GRIK1: variants seen among roughly 807,000 people sequenced by gnomAD.
The protein encoded by GRIK1 is glutamate ionotropic receptor kainate type subunit 1.
Under a neutral mutation model 105.7 loss-of-function variants are expected in GRIK1, and 69 were observed. The ratio of observed to expected loss-of-function variants is 0.65; its 90% CI spans 0.54 to 0.80. The LOEUF is 0.80. Among genes scored for constraint, GRIK1 ranks in the 30% least tolerant of loss-of-function variants. The probability of loss-of-function intolerance (pLI) is 0.00; values close to 1 mark genes in which losing one functional copy is unlikely to be tolerated. For missense variants in GRIK1, 1,109 were observed against 1,167.3 expected (o/e 0.95, Z 0.73); for synonymous variants, 438 against 431.3 (o/e 1.02, Z -0.19).
At chr21:29,591,305 G>A in intron 9 of GRIK1, 80 bp from the exon 10 acceptor site, 1 of 844,060 alleles carries the variant, frequency 1.2e-6, no homozygotes, top group Non-Finnish European at 2.1e-6. Context: ...TCTCTACCAG[G>A]AATGGGCACA....
chr21:29,889,519 T>C (rs977168965), intron 1 of GRIK1, among the ~76,000 whole-genome samples: 3 of 151,990 alleles, frequency 2.0e-5, no homozygotes, highest in Non-Finnish European at 4.4e-5. Context: ...CTCCTCCACC[T>C]CTTGTTCTTC....
At chr21:29,733,697 T>G (rs968627191) in intron 1 of GRIK1, among the ~76,000 whole-genome samples, 2 of 152,150 alleles carry the variant, frequency 1.3e-5, no homozygotes, top group Non-Finnish European at 2.9e-5. Flanking sequence ...TGTTTCATTT[T>G]GAGGAAAAGG....
chr21:29,615,433 C>G (rs2061827942), intron 7 of GRIK1, among the ~76,000 whole-genome samples: 1 of 152,144 alleles, frequency 6.6e-6, no homozygotes, highest in Non-Finnish European at 1.5e-5. Context: ...CCTCAGCCTC[C>G]CAAGTAGCTG....
chr21:29,719,083 T>TAC (rs941162439), intron 1 of GRIK1, among the ~76,000 whole-genome samples: 11 of 129,374 alleles, frequency 8.5e-5, no homozygotes, highest in African/African-American at 2.5e-4. Context: ...TGTATATACA[T>TAC]ATATATATAT....
At chr21:29,705,806 C>G (rs980113454) in intron 1 of GRIK1, among the ~76,000 whole-genome samples, 1 of 151,928 alleles carries the variant, frequency 6.6e-6, no homozygotes, top group Non-Finnish European at 1.5e-5. Context: ...AGGTAAGGTG[C>G]ATGTCCATGA....
At position 29,697,577 on chromosome 21, in the gene GRIK1, GAA is replaced by G. The variant is rs998187956; in HGVS notation, c.119-3516_119-3515del. Among the ~76,000 whole-genome samples the G allele has an allele frequency of 7.2e-4, 109 of 152,088 alleles. 1 individual carries two copies. The highest frequency in any genetic ancestry group is 4.4e-3 in the Admixed American group (67 of 15,270). On this transcript the variant is annotated intron_variant, in intron 1 of 17. Transcript: ENST00000327783. The stretch of plus-strand genomic sequence containing the variant: ...TCAAGAGAGGGTTGCGGATAAATGC[GAA>G]AAATCTACTGTGGTATGAGGTAAAT...
At chr21:29,739,092 T>C (rs2064865116) in intron 1 of GRIK1, among the ~76,000 whole-genome samples, 1 of 152,178 alleles carries the variant, frequency 6.6e-6, no homozygotes, top group Admixed American at 6.5e-5. Flanking sequence ...TCATGAAAAT[T>C]ATAGTACATT....
chr21:29,854,371 G>T (rs1014504605), intron 1 of GRIK1, among the ~76,000 whole-genome samples: 1 of 152,100 alleles, frequency 6.6e-6, no homozygotes, highest in Non-Finnish European at 1.5e-5. Flanking sequence ...CAACATTTGG[G>T]ATCAGACTTC....
chr21:29,681,940 A>G (rs761586620), intron 3 of GRIK1, among the ~76,000 whole-genome samples: 1 of 152,192 alleles, frequency 6.6e-6, no homozygotes, highest in Admixed American at 6.5e-5. Flanking sequence ...TGTTTTAGAA[A>G]AGCAATTTAT....
At chr21:29,724,362 G>GA (rs1555878682) in intron 1 of GRIK1, among the ~76,000 whole-genome samples, 4 of 132,592 alleles carry the variant, frequency 3.0e-5, no homozygotes, top group East Asian at 2.2e-4. Context: ...CGATTGTTGG[G>GA]CAACTATCAA....
At chr21:29,759,123 T>C (rs552727745) in intron 1 of GRIK1, 1 of 150,636 alleles carries the variant, frequency 6.6e-6, no homozygotes, top group African/African-American at 2.5e-5. Context: ...TTCTTTTTCT[T>C]TTCTTTTTTT....
At chr21:29,785,933 G>A (rs2066248326) in intron 1 of GRIK1, among the ~76,000 whole-genome samples, 2 of 152,164 alleles carry the variant, frequency 1.3e-5, no homozygotes, top group Admixed American at 1.3e-4. Context: ...GACTGTGGCA[G>A]CATTACCCCA....
chr21:29,554,868 G>A (rs916978839), intron 16 of GRIK1, among the ~76,000 whole-genome samples, 184 bp downstream of exon 16: 3 of 152,126 alleles, frequency 2.0e-5, no homozygotes. Context: ...GTTAATAAAT[G>A]ATGGACCTGC....
intron 8 of GRIK1, among the ~76,000 whole-genome samples, chr21:29,598,064 A>G (rs965329171): frequency 4.6e-5 from 7 of 152,150 alleles, no homozygotes; most frequent in Admixed American, 2.0e-4. Context: ...GGGGGTTTCA[A>G]TTGTTTTTCT....
chr21:29,858,558 C>T (rs2068536244), intron 1 of GRIK1, among the ~76,000 whole-genome samples: 1 of 152,172 alleles, frequency 6.6e-6, no homozygotes, highest in South Asian at 2.1e-4. Flanking sequence ...CTCCCAGTTG[C>T]AGCTGGACTA....
In GRIK1 at chr21:29,939,134, G is replaced by T. The variant is rs112693957; in HGVS notation, c.118+249C>A. 3.0e-3 allele frequency among the ~76,000 whole-genome samples: 453 copies of T among 152,256 alleles called. 3 individuals carry two copies. The highest frequency in any genetic ancestry group is 0.01 in the African/African-American group (430 of 41,556). ...TGCGAACCTGGATCCCCGCACTCTA[G>T]CCCGCGTTCCTGGAGCCCAGATTGA... On this transcript the variant is annotated intron_variant, in intron 1 of 17. Transcript: ENST00000327783.
intron 1 of GRIK1, among the ~76,000 whole-genome samples, chr21:29,830,584 CAG>C (rs1327478622): frequency 6.6e-6 from 1 of 152,092 alleles, no homozygotes; most frequent in East Asian, 1.9e-4. Flanking sequence ...CCATGAAGCT[CAG>C]AGTCTTATAA....
intron 1 of GRIK1, among the ~76,000 whole-genome samples, chr21:29,891,666 A>G (rs1206979079): frequency 6.6e-6 from 1 of 152,202 alleles, no homozygotes. Flanking sequence ...TCTTTACCAT[A>G]TCAGATCCTT....
intron 1 of GRIK1, among the ~76,000 whole-genome samples, chr21:29,813,872 T>C (rs2067077805): frequency 6.6e-6 from 1 of 150,774 alleles, no homozygotes; most frequent in African/African-American, 2.4e-5. Flanking sequence ...ATCCACTACG[T>C]ACTAAACACT....
Sources: allele counts gnomAD v4.1 joint callset (sites outside exome capture counted in the v4.1 genomes callset), GRCh38; gene constraint gnomAD v4.1.1; transcripts MANE v1.5; gene names NCBI Gene and HGNC (gene_info 2026-07-23, HGNC 2026-07-21).